Variants in RNF38 observed in about 807,000 individuals in gnomAD.
The protein encoded by RNF38 is E3 ubiquitin-protein ligase RNF38.
In RNF38, 15 loss-of-function variants were observed where a neutral mutation model predicts 67.2. The ratio of observed to expected loss-of-function variants is 0.22; its 90% CI spans 0.15 to 0.34. The LOEUF (loss-of-function observed/expected upper bound fraction) is 0.34. Ranked by LOEUF, RNF38 falls within the 10% of genes least tolerant of loss-of-function variation. The pLI, the probability that RNF38 is intolerant of heterozygous loss-of-function variation, is 1.00. For missense variants in RNF38, 524 were observed against 639.9 expected (o/e 0.82, Z 1.95); for synonymous variants, 220 against 218.8 (o/e 1.01, Z -0.05).
chr9:36,383,851 A>C (rs1836394179), intron 2 of RNF38, among the ~76,000 whole-genome samples: 1 of 151,940 alleles, frequency 6.6e-6, no homozygotes, highest in Non-Finnish European at 1.5e-5. Flanking sequence ...TAACAGTTTG[A>C]TATGCAGTGG....
At chr9:36,408,246 ACAC>A (rs1838230768) in intron 2 of RNF38, among the ~76,000 whole-genome samples, 1 of 150,808 alleles carries the variant, frequency 6.6e-6, no homozygotes, top group Non-Finnish European at 1.5e-5. Flanking sequence ...CTACAGGCAT[ACAC>A]CACCACAACA....
At chr9:36,401,220 G>GGGCTGCGCGCGGCCC, upstream of RNF38, 3 of 982,682 alleles carry the variant, frequency 3.1e-6, no homozygotes, top group Non-Finnish European at 3.6e-6. Flanking sequence ...GGGCGGGGCG[G>GGGCTGCGCGCGGCCC]GGCTGCGCGC....
At chr9:36,400,375 G>A (rs930568827), upstream of RNF38, 174 of 1,181,920 alleles carry the variant, frequency 1.5e-4, no homozygotes, top group Non-Finnish European at 1.8e-4. Flanking sequence ...CCATCTGCCG[G>A]GCAGCGGGCC....
At chr9:36,447,125 C>CAA (rs535462916) in intron 1 of RNF38, among the ~76,000 whole-genome samples, 68 of 93,100 alleles carry the variant, frequency 7.3e-4, no homozygotes, top group African/African-American at 1.7e-3. Flanking sequence ...AGACTGTCTC[C>CAA]AAAAAAAAAA....
chr9:36,336,699 A>T lies in RNF38; in HGVS notation c.*3053T>A, dbSNP rs1279051947. On this transcript the variant is annotated 3_prime_UTR_variant, in exon 12 of 12. Transcript: ENST00000259605. ...GAGCTTTCACAATCTGAAACGGCAAAATGAGGTAACCAAATGTACCAACAG... is the reference window on the plus strand; with the variant it reads ...GAGCTTTCACAATCTGAAACGGCAATATGAGGTAACCAAATGTACCAACAG... 2.0e-5 allele frequency: 3 copies of T among 152,620 alleles called. No homozygotes were observed. Among genetic ancestry groups the T allele is most frequent in the African/African-American group, 7.2e-5 (3 of 41,442 alleles). The allele number at this position is 152,620 out of a possible 1,614,324, so 9.5% of individuals were successfully genotyped here. A position where few individuals can be genotyped will look rare whatever the true frequency, so the allele number is the denominator to read the frequency against.
chr9:36,399,971 T>C, intron 1 of RNF38, 126 bp downstream of exon 1: 1 of 826,994 alleles, frequency 1.2e-6, no homozygotes, highest in Non-Finnish European at 1.9e-6. Flanking sequence ...AAAAAAGAAA[T>C]GGCAATTCAT....
chr9:36,452,075 T>C (rs1187136903), intron 1 of RNF38, among the ~76,000 whole-genome samples: 1 of 151,846 alleles, frequency 6.6e-6, no homozygotes, highest in Non-Finnish European at 1.5e-5. Context: ...TTAAAAAAAA[T>C]AGACACACAC....
At chr9:36,425,377 A>G (rs1164024514) in intron 1 of RNF38, among the ~76,000 whole-genome samples, 6 of 152,220 alleles carry the variant, frequency 3.9e-5, no homozygotes, top group African/African-American at 1.4e-4. Flanking sequence ...GGCCAGTTTT[A>G]GACAAAAATG....
intron 1 of RNF38, 73 bp downstream of exon 1, chr9:36,400,024 T>C: frequency 2.2e-6 from 3 of 1,360,094 alleles, no homozygotes; most frequent in Non-Finnish European, 3.1e-6. Context: ...CTACTTACGG[T>C]AGAATTAGCA....
At chr9:36,372,894 G>A (rs1050731497) in intron 3 of RNF38, among the ~76,000 whole-genome samples, 1 of 152,078 alleles carries the variant, frequency 6.6e-6, no homozygotes, top group Admixed American at 6.6e-5. Flanking sequence ...ACACACAAAG[G>A]TTCCTAACAG....
rs1179897714 is a variant in RNF38 at position 36,339,853 on chromosome 9, C to T, written c.1486-39G>A. 2.0e-6 allele frequency: 3 copies of T among 1,513,506 alleles called. 1 individual carries two copies. Among genetic ancestry groups the T allele is most frequent in the Middle Eastern group, 3.4e-4 (2 of 5,882 alleles). The allele number at this position is 1,513,506 out of a possible 1,614,324, so 93.8% of individuals were successfully genotyped here. On this transcript the variant is annotated intron_variant, in intron 11 of 11. Transcript: ENST00000259605. ...AGGAAAACTTGTTTAAATTGTGACA[C>T]ATACAATGAAACACATTCAAAGCAA...
At chr9:36,385,151 A>G (rs1836510123) in intron 2 of RNF38, among the ~76,000 whole-genome samples, 1 of 152,186 alleles carries the variant, frequency 6.6e-6, no homozygotes, top group Non-Finnish European at 1.5e-5. Flanking sequence ...AATTTAAAAA[A>G]AAAAAATCGT....
intron 1 of RNF38, among the ~76,000 whole-genome samples, chr9:36,435,664 A>AGGCTGGAGT (rs1415306302): frequency 6.9e-6 from 1 of 144,690 alleles, no homozygotes; most frequent in African/African-American, 2.6e-5. Flanking sequence ...TCTGTCGCCC[A>AGGCTGGAGT]GGCTGGAGTG....
rs375254943 is a variant in RNF38, at chr9:36,357,158, G to A, written c.738+617C>T. The stretch of plus-strand genomic sequence containing the variant: ...CATTTCTGAAAGGAGGCTGAACTGA[G>A]ATTAAAGATTAAAGGACAAAGCATA... On this transcript the variant is annotated intron_variant, in intron 5 of 11. Transcript: ENST00000259605. Among the ~76,000 whole-genome samples, 114 of 152,108 alleles carry A rather than the reference G, an allele frequency of 7.5e-4. 2 individuals carry two copies. The South Asian group carries it at 0.022, about 29-fold the overall frequency.
At chr9:36,485,235 G>A (rs1422426492) in intron 1 of RNF38, among the ~76,000 whole-genome samples, 1 of 151,870 alleles carries the variant, frequency 6.6e-6, no homozygotes, top group Non-Finnish European at 1.5e-5. Context: ...GGACATTTAA[G>A]CTGGAATGAG....
At chr9:36,375,020 G>A (rs902034196) in intron 3 of RNF38, among the ~76,000 whole-genome samples, 1 of 152,092 alleles carries the variant, frequency 6.6e-6, no homozygotes, top group African/African-American at 2.4e-5. Flanking sequence ...ACCTCACAAT[G>A]CACTCACTAT....
In RNF38 at chr9:36,375,950, C is replaced by T; in HGVS notation, c.340G>A (p.Ala114Thr). The part of the protein sequence containing the change: ...HFSGERCNTP[A>T]RNRRSPPVRR... ...TCAACTAACCTTCTTCTGTTGCGTG[C>T]AGGTGTGTTGCATCGTTCCCCTGAG... Residue 114 changes from alanine (A) to threonine (T), a missense_variant, in exon 3 of 12, where the codon GCA (alanine) becomes ACA (threonine). Around this residue, in one of 2 missense-constraint regions of RNF38, gnomAD observed 461 missense variants for 517.4 expected, o/e 0.89. Transcript: ENST00000259605. 1.2e-6 allele frequency: 2 copies of T among 1,610,964 alleles called. No homozygotes were observed. Among genetic ancestry groups the T allele is most frequent in the Non-Finnish European group, 1.7e-6 (2 of 1,178,876 alleles).
intron 6 of RNF38, among the ~76,000 whole-genome samples, chr9:36,355,802 T>C (rs1834057670): frequency 6.6e-6 from 1 of 152,152 alleles, no homozygotes; most frequent in Non-Finnish European, 1.5e-5. Context: ...TATGTTTGGA[T>C]TCCTTTAATT....
chr9:36,358,452 T>C (rs1346427621), intron 4 of RNF38, among the ~76,000 whole-genome samples: 1 of 152,220 alleles, frequency 6.6e-6, no homozygotes, highest in Non-Finnish European at 1.5e-5. Context: ...CATGAACATA[T>C]GAAAGCACAA....
Sources: gnomAD v4.1 joint callset for allele counts (sites outside exome capture counted in the v4.1 genomes callset) on GRCh38, gnomAD v4.1.1 for gene constraint, gnomAD v4.1.1 regional missense constraint, MANE v1.5 for transcripts, NCBI Gene and HGNC (gene_info 2026-07-23, HGNC 2026-07-21) for gene names.